The following FGF14 variants were observed in gnomAD, a reference collection of about 807,000 sequenced individuals.
The protein encoded by FGF14 is fibroblast growth factor homologous factor 4.
In FGF14, 5 loss-of-function variants were observed where a neutral mutation model predicts 25.5. That is an observed-to-expected ratio of 0.20 (90% confidence interval 0.10 to 0.41). The LOEUF (loss-of-function observed/expected upper bound fraction) is 0.41, where lower values mean the gene tolerates loss of function less well. FGF14 is among the 10% of genes least tolerant of loss of function. The pLI is 1.00. For synonymous variants in FGF14, 138 were observed against 118.3 expected, an observed-to-expected ratio of 1.17 and a Z score of -1.08; for missense variants, 222 against 320.1, an observed-to-expected ratio of 0.69 and a Z score of 2.34.
intron 1 of FGF14, among the ~76,000 whole-genome samples, chr13:102,347,990 G>A (rs181644919): frequency 1.3e-5 from 2 of 149,642 alleles, no homozygotes; most frequent in Admixed American, 6.7e-5. Flanking sequence ...ACGACCCTAA[G>A]TAAGATTTTC....
At chr13:101,950,756 T>TG (rs1178000731) in intron 1 of FGF14, among the ~76,000 whole-genome samples, 1 of 133,732 alleles carries the variant, frequency 7.5e-6, no homozygotes, top group Non-Finnish European at 1.5e-5. Context: ...ATCATGTTTT[T>TG]TTTTTTTTTT....
intron 1 of FGF14, among the ~76,000 whole-genome samples, chr13:102,340,519 A>G (rs1395139484): frequency 6.6e-6 from 1 of 152,080 alleles, no homozygotes; most frequent in African/African-American, 2.4e-5. Flanking sequence ...CAAGCCTTTT[A>G]CCCTAAAACC....
Position 102,202,857 on chromosome 13 carries a change from A to C in FGF14, c.208+198614T>G, listed in dbSNP as rs565997008. On this transcript the variant is annotated intron_variant, in intron 1 of 4. Coordinates refer to the FGF14 transcript ENST00000376131. ...AAAGGGCTCAGACTTAGAATACTGC[A>C]GTGCTGCTGTGCTTTTAATGCCCCG... Among the ~76,000 whole-genome samples the C allele has an allele frequency of 1.2e-4, 18 of 152,336 alleles. No individual in the cohort carries two copies. In the South Asian group the frequency reaches 2.1e-3, roughly 18 times the overall value.
intron 1 of FGF14, among the ~76,000 whole-genome samples, chr13:102,240,850 T>C (rs2051563752): frequency 6.6e-6 from 1 of 152,088 alleles, no homozygotes; most frequent in African/African-American, 2.4e-5. Flanking sequence ...GAGAATAATT[T>C]TTACCCTCTT....
At chr13:101,898,741 C>T (rs1211183715) in intron 1 of FGF14, among the ~76,000 whole-genome samples, 1 of 151,968 alleles carries the variant, frequency 6.6e-6, no homozygotes. Context: ...AAGCATAAGA[C>T]CAACACTCCT....
chr13:102,008,142 A>T (rs2039900856), intron 1 of FGF14, among the ~76,000 whole-genome samples: 1 of 152,208 alleles, frequency 6.6e-6, no homozygotes, highest in Non-Finnish European at 1.5e-5. Context: ...GCCAAGAGAA[A>T]AATAAAGGAA....
At chr13:102,139,148 C>A (rs913846290) in intron 1 of FGF14, among the ~76,000 whole-genome samples, 1 of 152,118 alleles carries the variant, frequency 6.6e-6, no homozygotes, top group African/African-American at 2.4e-5. Context: ...ATCAACAGAT[C>A]TGAGTGTGAA....
intron 3 of FGF14, among the ~76,000 whole-genome samples, chr13:101,775,213 T>G (rs1343573399): frequency 2.0e-5 from 3 of 152,150 alleles, no homozygotes; most frequent in Non-Finnish European, 4.4e-5. Context: ...AAAATGTGTG[T>G]TCTAATAAAG....
intron 1 of FGF14, chr13:102,294,149 T>C (rs1594757860): frequency 1.3e-5 from 2 of 152,312 alleles, no homozygotes; most frequent in African/African-American, 2.4e-5. Flanking sequence ...GAGGCTTCTC[T>C]AGTCAAAATC....
At chr13:101,828,192 T>C (rs1360214129) in intron 3 of FGF14, among the ~76,000 whole-genome samples, 1 of 152,114 alleles carries the variant, frequency 6.6e-6, no homozygotes, top group East Asian at 1.9e-4. Flanking sequence ...TTTGCAGTTC[T>C]TGTAATGCAA....
intron 1 of FGF14, among the ~76,000 whole-genome samples, chr13:102,130,222 G>T (rs1231660641): frequency 6.6e-6 from 1 of 152,180 alleles, no homozygotes; most frequent in African/African-American, 2.4e-5. Flanking sequence ...CTGACAAAAG[G>T]ACTGGCAAAG....
At chr13:102,087,407 C>CTTTTTTTTTTTTT (rs71125043) in intron 1 of FGF14, among the ~76,000 whole-genome samples, 8 of 84,444 alleles carry the variant, frequency 9.5e-5, no homozygotes, top group African/African-American at 2.6e-4. Context: ...ACTGTAATTT[C>CTTTTTTTTTTTTT]TTTTTTTTTT....
At chr13:101,951,213 CTAAGG>C (rs1398663460) in intron 1 of FGF14, among the ~76,000 whole-genome samples, 1 of 152,010 alleles carries the variant, frequency 6.6e-6, no homozygotes, top group Non-Finnish European at 1.5e-5. Flanking sequence ...GGAAAATTGC[CTAAGG>C]TTTGTAATCA....
intron 1 of FGF14, among the ~76,000 whole-genome samples, chr13:102,184,654 A>C (rs1239096842): frequency 6.6e-6 from 1 of 152,202 alleles, no homozygotes; most frequent in Non-Finnish European, 1.5e-5. Context: ...AATGTGATGC[A>C]GCATTTGCCT....
chr13:102,221,969 A>G (rs1050086804), intron 1 of FGF14, among the ~76,000 whole-genome samples: 5 of 152,212 alleles, frequency 3.3e-5, no homozygotes, highest in African/African-American at 1.2e-4. Flanking sequence ...ATCACAGATT[A>G]GAAAATGATT....
chr13:101,914,867 TGATGACA>T (rs1347683405), intron 1 of FGF14, among the ~76,000 whole-genome samples: 2 of 152,186 alleles, frequency 1.3e-5, no homozygotes, highest in Non-Finnish European at 2.9e-5. Flanking sequence ...ATAGTCTGTT[TGATGACA>T]TAAGAGGATA....
At chr13:102,156,673 G>C (rs2047356421) in intron 1 of FGF14, among the ~76,000 whole-genome samples, 1 of 152,250 alleles carries the variant, frequency 6.6e-6, no homozygotes, top group Admixed American at 6.5e-5. Context: ...CAATTAGGCA[G>C]GAGAAGGAAA....
intron 1 of FGF14, among the ~76,000 whole-genome samples, chr13:102,311,072 G>A (rs143011154): frequency 1.3e-5 from 2 of 151,914 alleles, no homozygotes; most frequent in South Asian, 2.1e-4. Context: ...AAAAGGATTC[G>A]GTCAGCCATT....
At chr13:102,024,912 T>G (rs2139891512) in intron 1 of FGF14, among the ~76,000 whole-genome samples, 2 of 151,850 alleles carry the variant, frequency 1.3e-5, no homozygotes, top group Middle Eastern at 3.4e-3. Flanking sequence ...TAGGATGTAC[T>G]TCCAGAATCT....
Sources: allele counts gnomAD v4.1 joint callset (sites outside exome capture counted in the v4.1 genomes callset), GRCh38; gene constraint gnomAD v4.1.1; transcripts MANE v1.5; gene names NCBI Gene and HGNC (gene_info 2026-07-23, HGNC 2026-07-21).